The following PRDM5 variants were observed in gnomAD, a reference collection of about 807,000 sequenced individuals.
PRDM5 encodes the protein PR/SET domain 5.
PRDM5 carries 56 observed loss-of-function variants against 81.2 expected under a neutral mutation model. The ratio of observed to expected loss-of-function variants is 0.69; its 90% CI spans 0.56 to 0.86. The LOEUF (loss-of-function observed/expected upper bound fraction) is 0.86, where lower values mean the gene tolerates loss of function less well. Ranked by LOEUF, PRDM5 falls within the 40% of genes least tolerant of loss-of-function variation. The pLI, the probability that PRDM5 is intolerant of heterozygous loss-of-function variation, is 0.00. For missense variants in PRDM5, 697 were observed against 770.1 expected, an observed-to-expected ratio of 0.91 and a Z score of 1.12; for synonymous variants, 267 against 256.4, an observed-to-expected ratio of 1.04 and a Z score of -0.39.
intron 8 of PRDM5, among the ~76,000 whole-genome samples, chr4:120,809,405 T>TA (rs1465816542): frequency 1.1e-4 from 16 of 144,102 alleles, no homozygotes; most frequent in East Asian, 8.2e-4. Context: ...AAAAATACTT[T>TA]TAAAAAAAAC....
rs1423733844 is a variant in PRDM5, at chr4:120,692,019, T to C, written c.*3092A>G. The C allele has an allele frequency of 6.6e-6, 1 of 151,986 alleles. No homozygotes were observed. The highest frequency in any genetic ancestry group is 2.4e-5 in the African/African-American group (1 of 41,432). 9.4% of individuals were successfully genotyped at this position (151,986 alleles called of 1,614,324 possible). On this transcript the variant is annotated 3_prime_UTR_variant, in exon 16 of 16. Coordinates refer to ENST00000264808, the MANE Select transcript of PRDM5 (RefSeq NM_018699.4). The stretch of plus-strand genomic sequence containing the variant: ...CCATTTATATACACGCAAACAAATG[T>C]CAATATCAATGGTAAAATTTTAGGA...
intron 7 of PRDM5, among the ~76,000 whole-genome samples, chr4:120,814,082 T>C (rs1290593478): frequency 6.6e-6 from 1 of 152,186 alleles, no homozygotes; most frequent in African/African-American, 2.4e-5. Flanking sequence ...ACAGGAAAAA[T>C]GTATGACTAT....
At chr4:120,844,633 C>G (rs4833687) in intron 3 of PRDM5, among the ~76,000 whole-genome samples, 10 of 152,034 alleles carry the variant, frequency 6.6e-5, no homozygotes, top group African/African-American at 2.2e-4. Flanking sequence ...CTCTCTCTCT[C>G]TCCTCAGACC....
Position 120,722,870 on chromosome 4 carries a change from G to A in PRDM5, c.1624-12457C>T, listed in dbSNP as rs556529918. On this transcript the variant is annotated intron_variant, in intron 14 of 15. Coordinates refer to ENST00000264808, the MANE Select transcript of PRDM5 (RefSeq NM_018699.4). Reference sequence around the variant, plus strand: ...TGCTGCAGCCATGTGCTGAGCACGCGAGGAGCTGGCTGAGGACAGCAGGAG... The same window carrying A: ...TGCTGCAGCCATGTGCTGAGCACGCAAGGAGCTGGCTGAGGACAGCAGGAG... Among the ~76,000 whole-genome samples the A allele has an allele frequency of 3.9e-5, 6 of 152,306 alleles. No individual in the cohort carries two copies. The East Asian group carries it at 7.7e-4, about 20-fold the overall frequency.
At chr4:120,844,984 A>G (rs1207445448) in intron 3 of PRDM5, among the ~76,000 whole-genome samples, 2 of 152,250 alleles carry the variant, frequency 1.3e-5, no homozygotes, top group African/African-American at 2.4e-5. Context: ...ACCAGCCACA[A>G]CATTCTCTTA....
chr4:120,887,786 C>CTTTTTTT (rs773355512), intron 2 of PRDM5, among the ~76,000 whole-genome samples: 3 of 85,208 alleles, frequency 3.5e-5, no homozygotes, highest in African/African-American at 1.4e-4. Context: ...ACATTTTATC[C>CTTTTTTT]TTTTTTTTTT....
At chr4:120,743,792 G>T (rs1742512553) in intron 14 of PRDM5, among the ~76,000 whole-genome samples, 1 of 133,994 alleles carries the variant, frequency 7.5e-6, no homozygotes, top group Non-Finnish European at 1.6e-5. Flanking sequence ...AGTCCTGAGT[G>T]ACCTACAAAG....
rs184707987 is a variant in PRDM5 at position 120,721,152 on chromosome 4, C to A, written c.1624-10739G>T. On this transcript the variant is annotated intron_variant, in intron 14 of 15. Coordinates refer to ENST00000264808, the MANE Select transcript of PRDM5 (RefSeq NM_018699.4). The stretch of plus-strand genomic sequence containing the variant: ...GCATGCAAAGAATCATCCAAACCAG[C>A]TCAAAAGCCTTGTTTTCCTGGGGCT... Among the ~76,000 whole-genome samples, 21 of 152,326 alleles carry A rather than the reference C, an allele frequency of 1.4e-4. No homozygotes were observed. The East Asian group carries it at 3.9e-3, about 28-fold the overall frequency.
At position 120,816,912 on chromosome 4, in the gene PRDM5, G is replaced by A. The variant is rs1754596165; in HGVS notation, c.663C>T (p.Cys221=). ...ACTCCTTTAGACTGCTTTTCGCTGT[G>A]CACTGAAGAACACTAAAGGGAAATA... is the stretch of plus-strand genomic sequence containing the variant. ...KQALQRHVLQ[C]TAKSSLKESS... Residue 221 remains cysteine, a synonymous_variant, in exon 6 of 16, where the codon TGC becomes TGT. Transcript: ENST00000264808. The A allele has an allele frequency of 6.2e-7, 1 of 1,612,290 alleles. No individual in the cohort carries two copies. Among genetic ancestry groups the A allele is most frequent in the Non-Finnish European group, 8.5e-7 (1 of 1,178,326 alleles).
At chr4:120,873,126 C>A (rs1762006921) in intron 2 of PRDM5, among the ~76,000 whole-genome samples, 2 of 152,086 alleles carry the variant, frequency 1.3e-5, no homozygotes, top group African/African-American at 4.8e-5. Flanking sequence ...CTTAGCCTCC[C>A]AAGTAGCTGG....
intron 14 of PRDM5, among the ~76,000 whole-genome samples, chr4:120,712,129 T>C (rs910255058): frequency 6.6e-6 from 1 of 151,680 alleles, no homozygotes; most frequent in Non-Finnish European, 1.5e-5. Flanking sequence ...CTACTAAAAA[T>C]ACAAAAGTTA....
chr4:120,854,284 T>C (rs1176186933), intron 2 of PRDM5, among the ~76,000 whole-genome samples: 1 of 152,158 alleles, frequency 6.6e-6, no homozygotes, highest in Non-Finnish European at 1.5e-5. Context: ...CCAAAACCCC[T>C]GCATTATCAG....
intron 2 of PRDM5, among the ~76,000 whole-genome samples, chr4:120,866,198 A>G (rs757913595): frequency 7.2e-5 from 11 of 151,996 alleles, no homozygotes; most frequent in Non-Finnish European, 1.2e-4. Flanking sequence ...ACCTCCTCCC[A>G]CTTCACTGCA....
At chr4:120,785,542 C>T (rs1468892604) in intron 10 of PRDM5, among the ~76,000 whole-genome samples, 2 of 152,122 alleles carry the variant, frequency 1.3e-5, no homozygotes, top group Admixed American at 1.3e-4. Flanking sequence ...TTCACTGAAT[C>T]AGTTCAAATA....
chr4:120,769,589 G>A (rs1746937456), intron 13 of PRDM5, among the ~76,000 whole-genome samples: 1 of 152,162 alleles, frequency 6.6e-6, no homozygotes, highest in South Asian at 2.1e-4. Context: ...ATAATAAAAT[G>A]ACCCAGTGAG....
intron 12 of PRDM5, among the ~76,000 whole-genome samples, chr4:120,780,572 G>A (rs948017802): frequency 6.6e-6 from 1 of 152,040 alleles, no homozygotes; most frequent in African/African-American, 2.4e-5. Flanking sequence ...TTCCCTTGAG[G>A]TAATGACCCA....
intron 13 of PRDM5, among the ~76,000 whole-genome samples, chr4:120,774,570 G>T (rs1747768450): frequency 6.6e-6 from 1 of 152,154 alleles, no homozygotes; most frequent in African/African-American, 2.4e-5. Context: ...CAAATAAAAG[G>T]GAAGCGAAAG....
chr4:120,921,856 G>T (rs1230246010), intron 1 of PRDM5, among the ~76,000 whole-genome samples: 1 of 151,592 alleles, frequency 6.6e-6, no homozygotes. Flanking sequence ...ACCGATGTTG[G>T]AGACAAATTA....
chr4:120,779,144 T>C (rs1052907062), intron 12 of PRDM5, among the ~76,000 whole-genome samples: 17 of 152,146 alleles, frequency 1.1e-4, no homozygotes, highest in African/African-American at 3.9e-4. Context: ...TAAAGGATAT[T>C]AGGGTTATAT....
Sources: allele counts gnomAD v4.1 joint callset (sites outside exome capture counted in the v4.1 genomes callset), GRCh38; gene constraint gnomAD v4.1.1; transcripts MANE v1.5; gene names NCBI Gene and HGNC (gene_info 2026-07-23, HGNC 2026-07-21).